SKI: variants seen among roughly 807,000 people sequenced by gnomAD.
SKI encodes the protein ski oncogene.
Under a neutral mutation model 59.3 loss-of-function variants are expected in SKI, and 23 were observed. The observed-to-expected ratio is 0.39, with a 90% confidence interval of 0.28 to 0.55. SKI has a LOEUF of 0.55. Ranked by LOEUF, SKI falls within the 20% of genes least tolerant of loss-of-function variation. The probability of loss-of-function intolerance (pLI) is 0.67; values close to 1 mark genes in which losing one functional copy is unlikely to be tolerated. For missense variants in SKI, 1,017 were observed against 1,038.9 expected, an observed-to-expected ratio of 0.98 and a Z score of 0.29; for synonymous variants, 673 against 488.6, an observed-to-expected ratio of 1.38 and a Z score of -4.98.
At chr1:2,298,389 C>G (rs1569848546) in intron 1 of SKI, among the ~76,000 whole-genome samples, 1 of 152,168 alleles carries the variant, frequency 6.6e-6, no homozygotes, top group Admixed American at 6.5e-5. Flanking sequence ...ATCATGGCTG[C>G]TGCTGTGCGC....
rs1640520981 is a variant in SKI at position 2,304,576 on chromosome 1, C to CCTCCACCAGGTGAG, written c.1760_1767+6dup. 6.4e-7 allele frequency: 1 copy of CCTCCACCAGGTGAG among 1,555,810 alleles called. No homozygotes were observed. The highest frequency in any genetic ancestry group is 1.4e-5 in the African/African-American group (1 of 73,256). Reference sequence around the variant, plus strand: ...GCGCAGCCCTGCAGGCCAAGCGCAGCCTCCACCAGGTGAGCGGGGCGAGTG... The same window carrying CCTCCACCAGGTGAG: ...GCGCAGCCCTGCAGGCCAAGCGCAGCCTCCACCAGGTGAGCTCCACCAGGTGAGCGGGGCGAGTG... On this transcript the variant is annotated frameshift_variant, in exon 5 of 7. Coordinates refer to ENST00000378536, the MANE Select transcript of SKI (RefSeq NM_003036.4). LOFTEE classifies it high-confidence loss of function.
chr1:2,247,277 G>C (rs1278627901), intron 1 of SKI, among the ~76,000 whole-genome samples: 3 of 152,076 alleles, frequency 2.0e-5, no homozygotes, highest in Non-Finnish European at 2.9e-5. Flanking sequence ...GTGTGCATGG[G>C]TGTGTGCAGC....
intron 1 of SKI, among the ~76,000 whole-genome samples, chr1:2,244,687 T>A (rs11582968): frequency 0.073 from 11,187 of 152,256 alleles, 488 homozygotes; most frequent in Middle Eastern, 0.15. Flanking sequence ...TTTGGTGGGT[T>A]GATTGTTTTG....
At chr1:2,295,530 G>C (rs150438389) in intron 1 of SKI, among the ~76,000 whole-genome samples, 1 of 152,282 alleles carries the variant, frequency 6.6e-6, no homozygotes, top group Non-Finnish European at 1.5e-5. Flanking sequence ...CCATGCACAT[G>C]GTCCGTCACT....
At chr1:2,247,059 A>C (rs894739600) in intron 1 of SKI, among the ~76,000 whole-genome samples, 1 of 152,166 alleles carries the variant, frequency 6.6e-6, no homozygotes, top group African/African-American at 2.4e-5. Flanking sequence ...CGTCTCTACT[A>C]AAAATACAAA....
At chr1:2,233,397 A>G (rs1473281574) in intron 1 of SKI, among the ~76,000 whole-genome samples, 4 of 152,092 alleles carry the variant, frequency 2.6e-5, no homozygotes. Flanking sequence ...CAGTCTGGGC[A>G]TTCTGGTGAC....
chr1:2,274,257 C>G (rs1639693408), intron 1 of SKI, among the ~76,000 whole-genome samples: 1 of 152,160 alleles, frequency 6.6e-6, no homozygotes, highest in Non-Finnish European at 1.5e-5. Context: ...AAGACACAAA[C>G]TTTTCATCAG....
At chr1:2,304,670 T>C in intron 5 of SKI, 85 bp downstream of exon 5, 1 of 1,464,336 alleles carries the variant, frequency 6.8e-7, no homozygotes, top group Non-Finnish European at 9.0e-7. Context: ...AGGTGGTGCC[T>C]CCTCCCTTCC....
At chr1:2,257,485 C>T (rs1165905596) in intron 1 of SKI, among the ~76,000 whole-genome samples, 1 of 152,264 alleles carries the variant, frequency 6.6e-6, no homozygotes, top group African/African-American at 2.4e-5. Context: ...GCGTCTGCCT[C>T]TGCAGCTGCT....
At chr1:2,288,133 C>T (rs571317958) in intron 1 of SKI, among the ~76,000 whole-genome samples, 18 of 152,212 alleles carry the variant, frequency 1.2e-4, no homozygotes, top group Admixed American at 5.9e-4. Context: ...GGATCACAGG[C>T]GTGTGCCACC....
rs560332098 is a variant in SKI at position 2,234,150 on chromosome 1, G to A, written c.969+4415G>A. Among the ~76,000 whole-genome samples the A allele has an allele frequency of 1.9e-4, 29 of 152,304 alleles. 1 individual carries two copies. Among genetic ancestry groups the A allele is most frequent in the Admixed American group, 1.7e-3 (26 of 15,302 alleles). ...CCCAGGTGAGGGTTCCGGAAAGACG[G>A]CCGGCTGCTGAGTCTTCTCAAGCAG... is the stretch of plus-strand genomic sequence containing the variant. On this transcript the variant is annotated intron_variant, in intron 1 of 6. Coordinates refer to ENST00000378536, the MANE Select transcript of SKI (RefSeq NM_003036.4).
At position 2,269,227 on chromosome 1, in the gene SKI, G is replaced by T. The variant is rs1639564495; in HGVS notation, c.970-33751G>T. On this transcript the variant is annotated intron_variant, in intron 1 of 6. Transcript: ENST00000378536. This position sits in a 1 kb window ranked among gnomAD's most constrained non-coding sequence, Gnocchi z 4.7. ...CTCCCAAAGTGTTGGGATGACAGGT[G>T]TGAGCCACCGTGCCTGGCCCATGTT... Among the ~76,000 whole-genome samples, 1 of 152,216 alleles carries T rather than the reference G, an allele frequency of 6.6e-6. No homozygotes were observed. Among genetic ancestry groups the T allele is most frequent in the African/African-American group, 2.4e-5 (1 of 41,448 alleles).
chr1:2,256,438 G>A (rs1017505800), intron 1 of SKI, among the ~76,000 whole-genome samples: 1 of 152,218 alleles, frequency 6.6e-6, no homozygotes, highest in African/African-American at 2.4e-5. Context: ...TTGCTCCAGC[G>A]TTCTTCTCTG....
Position 2,230,997 on chromosome 1 carries a change from G to A in SKI, c.969+1262G>A, listed in dbSNP as rs182487857. 7.9e-5 allele frequency among the ~76,000 whole-genome samples: 12 copies of A among 152,186 alleles called. No homozygotes were observed. The East Asian group carries it at 1.7e-3, about 22-fold the overall frequency. Reference sequence around the variant, plus strand: ...TGCATGTGTGTGTTTGTGTGTGCGCGCTTCTGACCCTGCCAGGCCAGGGCT... The same window carrying A: ...TGCATGTGTGTGTTTGTGTGTGCGCACTTCTGACCCTGCCAGGCCAGGGCT... On this transcript the variant is annotated intron_variant, in intron 1 of 6. Transcript: ENST00000378536.
intron 1 of SKI, among the ~76,000 whole-genome samples, chr1:2,302,298 G>A (rs755562172): frequency 6.6e-6 from 1 of 152,190 alleles, no homozygotes; most frequent in Non-Finnish European, 1.5e-5. Flanking sequence ...GGCAAGGAGC[G>A]AGGCAAAGGT....
At chr1:2,279,710 C>T (rs1212979997) in intron 1 of SKI, among the ~76,000 whole-genome samples, 1 of 152,176 alleles carries the variant, frequency 6.6e-6, no homozygotes, top group Non-Finnish European at 1.5e-5. Context: ...ACAGTTCTTT[C>T]TTCCTTATTT....
chr1:2,230,010 G>T (rs758509951), intron 1 of SKI, among the ~76,000 whole-genome samples: 4 of 152,228 alleles, frequency 2.6e-5, no homozygotes, highest in East Asian at 1.9e-4. Flanking sequence ...GGGAAGGCCC[G>T]CAGGCCCACA....
Position 2,267,505 on chromosome 1 carries a change from C to A in SKI, c.970-35473C>A, listed in dbSNP as rs1639525734. 6.6e-6 allele frequency among the ~76,000 whole-genome samples: 1 copy of A among 152,232 alleles called. No individual in the cohort carries two copies. The highest frequency in any genetic ancestry group is 1.5e-5 in the Non-Finnish European group (1 of 68,044). On this transcript the variant is annotated intron_variant, in intron 1 of 6. Transcript: ENST00000378536. The surrounding 1 kb of genome is among the most constrained non-coding windows in gnomAD (Gnocchi z 4.1). Reference sequence around the variant, plus strand: ...TTCAATATCCCATTCGTTCCAGAGCCTCCTTTCAGGGTGGAAGGGGTGGTG... The same window carrying A: ...TTCAATATCCCATTCGTTCCAGAGCATCCTTTCAGGGTGGAAGGGGTGGTG...
chr1:2,274,119 G>T (rs563435363), intron 1 of SKI, among the ~76,000 whole-genome samples: 1 of 151,816 alleles, frequency 6.6e-6, no homozygotes, highest in South Asian at 2.1e-4. Flanking sequence ...AGGTAAGGGG[G>T]ATTGAGGAAG....
Sources: gnomAD v4.1 joint callset for allele counts (sites outside exome capture counted in the v4.1 genomes callset) on GRCh38, gnomAD v4.1.1 for gene constraint, Gnocchi (gnomAD v3.1) non-coding constraint, MANE v1.5 for transcripts, NCBI Gene and HGNC (gene_info 2026-07-23, HGNC 2026-07-21) for gene names.